Variants in EFCAB7 observed in about 807,000 individuals in gnomAD.
EFCAB7 encodes EF-hand calcium binding domain 7, also known as EF-hand calcium-binding domain-containing protein 7.
Under a neutral mutation model 77.1 loss-of-function variants are expected in EFCAB7, and 66 were observed. The ratio of observed to expected loss-of-function variants is 0.86; its 90% CI spans 0.70 to 1.05. The LOEUF (loss-of-function observed/expected upper bound fraction) is 1.05. EFCAB7 is among the 50% of genes least tolerant of loss of function. The pLI is 0.00. For synonymous variants in EFCAB7, 225 were observed against 243.3 expected (o/e 0.92, Z 0.70); for missense variants, 638 against 730.5 (o/e 0.87, Z 1.46).
intron 13 of EFCAB7, 40 bp downstream of exon 13, chr1:63,571,168 T>TC: frequency 6.9e-7 from 1 of 1,458,990 alleles, no homozygotes; most frequent in Non-Finnish European, 9.4e-7. Context: ...TTGTTTTATG[T>TC]CTTTGAAAAA....
chr1:63,554,771 T>C (rs1240528385), intron 8 of EFCAB7, among the ~76,000 whole-genome samples: 1 of 152,248 alleles, frequency 6.6e-6, no homozygotes, highest in Non-Finnish European at 1.5e-5. Flanking sequence ...CTGTGTCTTA[T>C]TTTATAGTCC....
the EFCAB7 span, among the ~76,000 whole-genome samples, chr1:63,580,784 T>C: frequency 6.6e-6 from 1 of 152,214 alleles, no homozygotes; most frequent in Non-Finnish European, 1.5e-5. Flanking sequence ...ATACAGCTCC[T>C]ATATATCCTT....
chr1:63,582,576 A>C, the EFCAB7 span, among the ~76,000 whole-genome samples: 1 of 152,226 alleles, frequency 6.6e-6, no homozygotes, highest in East Asian at 1.9e-4. Context: ...ATTTTTAAAA[A>C]AGTGAAGTCA....
chr1:63,528,781 T>C lies in EFCAB7; in HGVS notation c.187+3022T>C, dbSNP rs1270441518. On this transcript the variant is annotated intron_variant, in intron 2 of 13. Coordinates refer to ENST00000371088, the MANE Select transcript of EFCAB7 (RefSeq NM_032437.4). ...AAATTTTGCAGGAAATTTTATATAATATTCATTGTCATAAAAATAATTTAG... is the reference window on the plus strand; with the variant it reads ...AAATTTTGCAGGAAATTTTATATAACATTCATTGTCATAAAAATAATTTAG... Among the ~76,000 whole-genome samples the C allele has an allele frequency of 3.3e-5, 5 of 152,196 alleles. No homozygotes were observed. In the East Asian group the frequency reaches 7.7e-4, roughly 23 times the overall value.
chr1:63,561,805 T>G lies in EFCAB7; in HGVS notation c.1445T>G (p.Leu482Arg), dbSNP rs145471069. 7 of 1,608,700 alleles carry G rather than the reference T, an allele frequency of 4.4e-6. No homozygotes were observed. Among genetic ancestry groups the G allele is most frequent in the Non-Finnish European group, 5.9e-6 (7 of 1,176,766 alleles). ...GATCGAGAAGGAGATCCTTGTGACC[T>G]TTGGGTAACTCTACACTCTATGGGC... The part of the protein sequence containing the change: ...ANDREGDPCD[L>R]WVTLHSMGYN... The change falls in exon 11 of 14, where the codon CTT becomes CGT. Residue 482 changes from leucine (L) to arginine (R), a missense_variant. Physicochemically the swap from Leu to Arg is moderately radical, Grantham distance 102. Coordinates refer to ENST00000371088, the MANE Select transcript of EFCAB7 (RefSeq NM_032437.4).
intron 2 of EFCAB7, among the ~76,000 whole-genome samples, chr1:63,528,478 TAGAA>T (rs1339632782): frequency 2.0e-5 from 3 of 151,612 alleles, no homozygotes; most frequent in African/African-American, 4.8e-5. Context: ...AATAGAAAAA[TAGAA>T]AGAATAAGAC....
At chr1:63,576,485 A>G (rs1647419388), downstream of EFCAB7, among the ~76,000 whole-genome samples, 1 of 150,894 alleles carries the variant, frequency 6.6e-6, no homozygotes, top group East Asian at 1.9e-4. Context: ...TCTCAAAAAC[A>G]ACAACAACAA....
chr1:63,572,895 C>T (rs1003332291), downstream of EFCAB7, among the ~76,000 whole-genome samples: 5 of 151,682 alleles, frequency 3.3e-5, no homozygotes, highest in African/African-American at 4.8e-5. Context: ...CGGGCAGGGG[C>T]GGGAGTCACA....
At chr1:63,583,938 C>CAAAAA in the EFCAB7 span, among the ~76,000 whole-genome samples, 6 of 82,650 alleles carry the variant, frequency 7.3e-5, no homozygotes, top group African/African-American at 2.8e-4. Flanking sequence ...TGGATATGGC[C>CAAAAA]AAAAAAAAAA....
intron 2 of EFCAB7, among the ~76,000 whole-genome samples, chr1:63,527,623 A>G (rs1211162071): frequency 6.6e-6 from 1 of 152,208 alleles, no homozygotes; most frequent in Non-Finnish European, 1.5e-5. Context: ...TGATATTTTT[A>G]CTATCATCAA....
At position 63,572,642 on chromosome 1, in the gene EFCAB7, AT is replaced by A; in HGVS notation, c.*130del. On this transcript the variant is annotated 3_prime_UTR_variant, in exon 14 of 14. Transcript: ENST00000371088. ...ATCTATTCAATTTATATGCATTTTC[AT>A]TTTATGTCCATGGTATGTACTTTAT... 8.9e-7 allele frequency: 1 copy of A among 1,120,264 alleles called. No homozygotes were observed. Among genetic ancestry groups the A allele is most frequent in the South Asian group, 2.8e-5 (1 of 36,272 alleles). The allele number at this position is 1,120,264 out of a possible 1,614,324, so 69.4% of individuals were successfully genotyped here.
intron 6 of EFCAB7, among the ~76,000 whole-genome samples, chr1:63,536,450 G>C (rs1646763852): frequency 6.6e-6 from 1 of 152,062 alleles, no homozygotes; most frequent in South Asian, 2.1e-4. Flanking sequence ...GTGGGATCTT[G>C]GCTCAGTGCA....
At chr1:63,554,650 A>T (rs1186894795) in intron 8 of EFCAB7, among the ~76,000 whole-genome samples, 1 of 152,200 alleles carries the variant, frequency 6.6e-6, no homozygotes, top group East Asian at 1.9e-4. Flanking sequence ...TGCTTTCTTT[A>T]TAGAACTGGA....
chr1:63,544,595 T>A (rs929325123), intron 6 of EFCAB7, among the ~76,000 whole-genome samples: 14 of 151,752 alleles, frequency 9.2e-5, no homozygotes, highest in African/African-American at 3.4e-4. Context: ...GTATTATTAG[T>A]AAAGACGGGG....
chr1:63,531,042 T>C (rs1646686299), intron 2 of EFCAB7, among the ~76,000 whole-genome samples: 1 of 152,112 alleles, frequency 6.6e-6, no homozygotes, highest in Non-Finnish European at 1.5e-5. Flanking sequence ...TTTTGTAATA[T>C]ACAGTACCTT....
chr1:63,580,730 T>TA, the EFCAB7 span, among the ~76,000 whole-genome samples: 1 of 152,206 alleles, frequency 6.6e-6, no homozygotes, highest in South Asian at 2.1e-4. Flanking sequence ...GCTCTCCACT[T>TA]ATGTAGGTTT....
rs938584212 is a variant in EFCAB7 at position 63,571,045 on chromosome 1, A to G, written c.1732A>G (p.Ile578Val). The G allele has an allele frequency of 6.2e-7, 1 of 1,611,096 alleles. No individual in the cohort carries two copies. The highest frequency in any genetic ancestry group is 8.5e-7 in the Non-Finnish European group (1 of 1,178,924). Residue 578 changes from isoleucine to valine, a missense_variant, in exon 13 of 14, where the codon ATC becomes GTC. Physicochemically the swap from Ile to Val is conservative, Grantham distance 29. Transcript: ENST00000371088. ...NKSDEKVIIH[I>V]SNELSKNCIN... ...GTCAGATGAGAAAGTGATTATTCAC[A>G]TCAGCAATGAGCTAAGTAAAAACTG...
intron 6 of EFCAB7, among the ~76,000 whole-genome samples, chr1:63,540,693 A>G (rs1169877269): frequency 2.0e-5 from 3 of 152,200 alleles, no homozygotes; most frequent in Non-Finnish European, 4.4e-5. Context: ...CATGGGCAAT[A>G]TACTTAACAA....
chr1:63,534,781 A>G (rs1646743851), intron 6 of EFCAB7, among the ~76,000 whole-genome samples: 1 of 152,146 alleles, frequency 6.6e-6, no homozygotes, highest in African/African-American at 2.4e-5. Context: ...TTATGACCAC[A>G]TACTATAACT....
Sources: gnomAD v4.1 joint callset for allele counts (sites outside exome capture counted in the v4.1 genomes callset) on GRCh38, gnomAD v4.1.1 for gene constraint, MANE v1.5 for transcripts, NCBI Gene and HGNC (gene_info 2026-07-23, HGNC 2026-07-21) for gene names.